IL1RAP: variants seen among roughly 807,000 people sequenced by gnomAD.
IL1RAP encodes the protein interleukin 1 receptor accessory protein.
A neutral mutation model predicts 60.7 loss-of-function variants in IL1RAP; 35 were observed. That is an observed-to-expected ratio of 0.58 (90% CI 0.44 to 0.76). IL1RAP has a LOEUF of 0.76. Among genes scored for constraint, IL1RAP ranks in the 30% least tolerant of loss-of-function variants. The pLI is 0.00. For missense variants in IL1RAP, 572 were observed against 693.9 expected, an observed-to-expected ratio of 0.82 and a Z score of 1.97; for synonymous variants, 268 against 250.9, an observed-to-expected ratio of 1.07 and a Z score of -0.64.
chr3:190,620,512 A>G, intron 6 of IL1RAP, 72 bp downstream of exon 6: 1 of 1,272,004 alleles, frequency 7.9e-7, no homozygotes, highest in South Asian at 1.4e-5. Context: ...ATAGTTTATT[A>G]CACACTAGTA....
intron 1 of IL1RAP, among the ~76,000 whole-genome samples, chr3:190,548,961 T>C (rs902864430): frequency 6.6e-6 from 1 of 152,194 alleles, no homozygotes; most frequent in Non-Finnish European, 1.5e-5. Context: ...GAGACCTTAA[T>C]AGGTATATTG....
chr3:190,564,014 G>A (rs928410730), intron 2 of IL1RAP: 1 of 360,596 alleles, frequency 2.8e-6, no homozygotes, highest in South Asian at 4.1e-5. Context: ...ATTGAAACTT[G>A]TCTCTAGCCA....
chr3:190,658,490 G>A (rs929783601), exon 12 of IL1RAP: 3 of 152,046 alleles, frequency 2.0e-5, no homozygotes, highest in African/African-American at 4.8e-5. Flanking sequence ...TGGAAAATTC[G>A]GTGCCTTCCA....
At chr3:190,640,343 A>G (rs151180069) in intron 9 of IL1RAP, among the ~76,000 whole-genome samples, 72 of 152,348 alleles carry the variant, frequency 4.7e-4, no homozygotes, top group Admixed American at 2.9e-3. Context: ...AAGGAAGGCT[A>G]GTCCAGGACT....
intron 9 of IL1RAP, among the ~76,000 whole-genome samples, chr3:190,634,707 G>GTTTTTTTTTTTTTTTTTTTTTTT (rs1167445179): frequency 1.0e-4 from 14 of 134,706 alleles, no homozygotes; most frequent in African/African-American, 4.2e-4. Flanking sequence ...GGCCTGTTGT[G>GTTTTTTTTTTTTTTTTTTTTTTT]TTTTTTTTTT....
At chr3:190,550,195 T>C (rs1724747911) in intron 1 of IL1RAP, 1 of 152,236 alleles carries the variant, frequency 6.6e-6, no homozygotes, top group South Asian at 2.1e-4. Context: ...TAGACCTCAT[T>C]TGTGCCAGGG....
chr3:190,557,099 T>G (rs1577585030), intron 2 of IL1RAP, among the ~76,000 whole-genome samples: 1 of 152,182 alleles, frequency 6.6e-6, no homozygotes, highest in Admixed American at 6.5e-5. Flanking sequence ...CAGTCTTGAA[T>G]TAACCATCAA....
chr3:190,549,538 C>T (rs191796989), intron 1 of IL1RAP, among the ~76,000 whole-genome samples: 117 of 152,302 alleles, frequency 7.7e-4, no homozygotes, highest in African/African-American at 2.7e-3. Flanking sequence ...TGAGAAGAGA[C>T]AGACTGGGTT....
At chr3:190,651,769 G>T (rs1347414903), downstream of IL1RAP, among the ~76,000 whole-genome samples, 1 of 148,826 alleles carries the variant, frequency 6.7e-6, no homozygotes, top group Non-Finnish European at 1.5e-5. Flanking sequence ...GTGTATATGT[G>T]TTTATGTGTG....
intron 5 of IL1RAP, among the ~76,000 whole-genome samples, chr3:190,619,122 T>C (rs1258924115): frequency 1.3e-5 from 2 of 152,220 alleles, no homozygotes; most frequent in East Asian, 3.8e-4. Flanking sequence ...GACTTATTGA[T>C]ATTTAAAAGA....
intron 9 of IL1RAP, among the ~76,000 whole-genome samples, chr3:190,634,906 G>A (rs1327870744): frequency 2.0e-5 from 3 of 152,042 alleles, no homozygotes. Flanking sequence ...CAGTAGAGAC[G>A]GGGTTTCACT....
chr3:190,519,442 A>G (rs1200121398), intron 1 of IL1RAP, among the ~76,000 whole-genome samples: 1 of 152,196 alleles, frequency 6.6e-6, no homozygotes, highest in Non-Finnish European at 1.5e-5. Context: ...ACTGAGGCTC[A>G]GAGAGACTTA....
At chr3:190,527,322 G>A (rs918778124) in intron 1 of IL1RAP, among the ~76,000 whole-genome samples, 6 of 152,228 alleles carry the variant, frequency 3.9e-5, no homozygotes, top group East Asian at 1.9e-4. Flanking sequence ...AATTTTAGTC[G>A]TAAACCAAAT....
At chr3:190,552,383 A>T (rs1329598936) in intron 1 of IL1RAP, among the ~76,000 whole-genome samples, 1 of 152,158 alleles carries the variant, frequency 6.6e-6, no homozygotes, top group Non-Finnish European at 1.5e-5. Context: ...CACACAGGGA[A>T]TTTTTGCAAG....
At chr3:190,597,958 G>A (rs570407291) in intron 3 of IL1RAP, among the ~76,000 whole-genome samples, 2 of 152,232 alleles carry the variant, frequency 1.3e-5, no homozygotes, top group Non-Finnish European at 2.9e-5. Flanking sequence ...GTGTCAGAAT[G>A]TCTCCTTAAT....
At chr3:190,641,581 G>A (rs1379621346) in intron 9 of IL1RAP, among the ~76,000 whole-genome samples, 1 of 152,092 alleles carries the variant, frequency 6.6e-6, no homozygotes, top group Admixed American at 6.5e-5. Context: ...GAATTAAAAT[G>A]CCCCATTAGA....
At chr3:190,570,304 A>G (rs1265836375) in intron 3 of IL1RAP, among the ~76,000 whole-genome samples, 1 of 152,232 alleles carries the variant, frequency 6.6e-6, no homozygotes, top group Non-Finnish European at 1.5e-5. Context: ...AGTGGGAATA[A>G]TGAAAATGCA....
downstream of IL1RAP, chr3:190,655,860 C>T: frequency 2.7e-6 from 4 of 1,477,688 alleles, no homozygotes; most frequent in Non-Finnish European, 3.7e-6. Context: ...TTTCACTATA[C>T]ATTGTCCTAT....
exon 12 of IL1RAP, chr3:190,656,683 AT>A (rs1734631428): frequency 1.4e-5 from 11 of 811,866 alleles, no homozygotes; most frequent in South Asian, 1.2e-4. Flanking sequence ...AAAATCTGAC[AT>A]TTTTATCATC....
Sources: gnomAD v4.1 joint callset for allele counts (sites outside exome capture counted in the v4.1 genomes callset) on GRCh38, gnomAD v4.1.1 for gene constraint, MANE v1.5 for transcripts, NCBI Gene and HGNC (gene_info 2026-07-23, HGNC 2026-07-21) for gene names.